Variants in TMEM87B observed in about 807,000 individuals in gnomAD.
TMEM87B encodes transmembrane protein 87B.
A neutral mutation model predicts 80.3 loss-of-function variants in TMEM87B; 83 were observed. The ratio of observed to expected loss-of-function variants is 1.03; its 90% CI spans 0.87 to 1.24. TMEM87B has a LOEUF of 1.24. Among genes scored for constraint, TMEM87B ranks in the 50% most tolerant of loss-of-function variants. The pLI, the probability that TMEM87B is intolerant of heterozygous loss-of-function variation, is 0.00. For synonymous variants in TMEM87B, 219 were observed against 230.5 expected (o/e 0.95, Z 0.45); for missense variants, 625 against 674.4 (o/e 0.93, Z 0.81).
chr2:112,104,274 TAAG>T (rs931846784), intron 15 of TMEM87B, among the ~76,000 whole-genome samples: 12 of 152,140 alleles, frequency 7.9e-5, no homozygotes, highest in East Asian at 1.9e-4. Flanking sequence ...TTTAAGAAAA[TAAG>T]AAGGCTAGCT....
At chr2:112,098,080 A>G (rs754829851) in intron 13 of TMEM87B, among the ~76,000 whole-genome samples, 10 of 151,982 alleles carry the variant, frequency 6.6e-5, no homozygotes, top group Non-Finnish European at 1.5e-4. Context: ...GGTTGAAGCA[A>G]TTATCTGCCT....
intron 4 of TMEM87B, among the ~76,000 whole-genome samples, chr2:112,071,313 CG>C (rs1209295868): frequency 1.3e-4 from 19 of 142,448 alleles, no homozygotes; most frequent in African/African-American, 4.6e-4. Context: ...CCCGCCCCCC[CG>C]CCGCCGCCAC....
At chr2:112,072,896 T>G (rs13032953) in intron 4 of TMEM87B, among the ~76,000 whole-genome samples, 1 of 54,350 alleles carries the variant, frequency 1.8e-5, no homozygotes, top group African/African-American at 9.2e-5. Flanking sequence ...ACTCTTCTTC[T>G]TTTTTTTTTT....
chr2:112,068,215 AAAAAACAAAAAC>A (rs910565364), intron 4 of TMEM87B, among the ~76,000 whole-genome samples: 2 of 152,344 alleles, frequency 1.3e-5, no homozygotes, highest in Admixed American at 6.5e-5. Context: ...ACTCCGTCTC[AAAAAACAAAAAC>A]AAAAACAAAA....
At position 112,074,939 on chromosome 2, in the gene TMEM87B, G is replaced by A; in HGVS notation, c.478G>A (p.Val160Ile). The change falls in exon 5 of 19, where the codon GTT (valine) becomes ATT (isoleucine). Residue 160 changes from valine to isoleucine, a missense_variant. Physicochemically the swap from Val to Ile is conservative, Grantham distance 29 (BLOSUM62 3). Coordinates refer to ENST00000283206, the MANE Select transcript of TMEM87B (RefSeq NM_032824.3). Reference protein sequence around the residue: ...NNKELINIRNVSNQERSMDVV... With the variant: ...NNKELINIRNISNQERSMDVV... ...TAAAGAACTAATAAATATCAGAAATGTTTCAAACCAGGAAAGATCAATGGT... is the reference window on the plus strand; with the variant it reads ...TAAAGAACTAATAAATATCAGAAATATTTCAAACCAGGAAAGATCAATGGT... The A allele has an allele frequency of 6.3e-7, 1 of 1,575,636 alleles. No homozygotes were observed. Among genetic ancestry groups the A allele is most frequent in the Admixed American group, 1.8e-5 (1 of 56,346 alleles).
chr2:112,073,243 G>A (rs1678711505), intron 4 of TMEM87B, among the ~76,000 whole-genome samples: 1 of 152,086 alleles, frequency 6.6e-6, no homozygotes, highest in South Asian at 2.1e-4. Context: ...GGCGTTTAGT[G>A]CTGTAAATTT....
rs77815897 is a variant in TMEM87B at position 112,055,428 on chromosome 2, G to A, written c.-164G>A. 17,742 of 802,898 alleles carry A rather than the reference G, an allele frequency of 0.022. 266 individuals carry two copies. The highest frequency in any genetic ancestry group is 0.037 in the Middle Eastern group (98 of 2,636). The allele number at this position is 802,898 out of a possible 1,614,324, so 49.7% of individuals were successfully genotyped here. On this transcript the variant is annotated 5_prime_UTR_variant, in exon 1 of 19. Transcript: ENST00000283206. ...CTCCCGGTCCTGGCCGGGTTTCCCA[G>A]AACTGCACGGCGCCTCTCCGCCCAG...
rs7568022 is a variant in TMEM87B, at chr2:112,074,085, G to C, written c.451-827G>C. The stretch of plus-strand genomic sequence containing the variant: ...GTGCCTTTTAATTGGGGCTTTTAGT[G>C]TTGACATTGTGGGTTTGATCGTGTC... On this transcript the variant is annotated intron_variant, in intron 4 of 18. Transcript: ENST00000283206. Among the ~76,000 whole-genome samples the C allele has an allele frequency of 6.6e-5, 10 of 151,984 alleles. No individual in the cohort carries two copies. In the East Asian group the frequency reaches 1.9e-3, roughly 29 times the overall value.
At position 112,091,735 on chromosome 2, in the gene TMEM87B, TC is replaced by T. The variant is rs1292485598; in HGVS notation, c.1057del (p.Asp354MetfsTer5). The T allele has an allele frequency of 1.2e-6, 2 of 1,613,484 alleles. No homozygotes were observed. The highest frequency in any genetic ancestry group is 8.5e-7 in the Non-Finnish European group (1 of 1,179,616). ...IGGSNHLAVV[L>X]DDIILAVIDS... ...AGGGTTCTAACCATTTAGCTGTTGTTCTTGATGACATTATTTTAGCAGTTAT... is the reference window on the plus strand; with the variant it reads ...AGGGTTCTAACCATTTAGCTGTTGTTTTGATGACATTATTTTAGCAGTTAT... On this transcript the variant is annotated frameshift_variant, in exon 11 of 19. Transcript: ENST00000283206. LOFTEE classifies it high-confidence loss of function.
chr2:112,116,043 G>T, intron 18 of TMEM87B, 41 bp from the exon 19 acceptor site: 1 of 1,561,006 alleles, frequency 6.4e-7, no homozygotes. Context: ...TCTGGAAGTA[G>T]TATCAACATG....
chr2:112,065,064 C>T (rs934251031), intron 3 of TMEM87B, among the ~76,000 whole-genome samples: 3 of 152,118 alleles, frequency 2.0e-5, no homozygotes, highest in Admixed American at 6.5e-5. Flanking sequence ...ACTCAAGTGA[C>T]CCTCCTGGCA....
intron 9 of TMEM87B, among the ~76,000 whole-genome samples, chr2:112,089,389 C>T (rs370270166): frequency 6.6e-6 from 1 of 152,234 alleles, no homozygotes. Flanking sequence ...TCCTCTGGCA[C>T]CTTTGTGGCC....
intron 11 of TMEM87B, chr2:112,095,420 C>T (rs1045097139): frequency 3.0e-6 from 3 of 984,206 alleles, no homozygotes; most frequent in Non-Finnish European, 3.6e-6. Flanking sequence ...TTAACAGTGT[C>T]TTGGTAAGTG....
chr2:112,076,841 T>TG lies in TMEM87B; in HGVS notation c.502-351_502-350insG, dbSNP rs1218396548. Among the ~76,000 whole-genome samples, 47 of 112,372 alleles carry TG rather than the reference T, an allele frequency of 4.2e-4. 1 individual carries two copies. The highest frequency in any genetic ancestry group is 2.6e-3 in the Admixed American group (27 of 10,326). The allele number at this position is 112,372 out of a possible 152,430, so 73.7% of individuals were successfully genotyped here. On this transcript the variant is annotated intron_variant, in intron 5 of 18. Transcript: ENST00000283206. ...CCACTACCTGCCATTCCTTTTCTGT[T>TG]TTGTGTGTGTGTGTGTGTGTGTGTG...
intron 2 of TMEM87B, among the ~76,000 whole-genome samples, chr2:112,061,609 C>A (rs774914072): frequency 1.3e-5 from 2 of 151,916 alleles, no homozygotes; most frequent in Non-Finnish European, 2.9e-5. Context: ...AAAGTCTAGA[C>A]AAAGGATTTA....
At position 112,077,149 on chromosome 2, in the gene TMEM87B, A is replaced by G. The variant is rs1363207645; in HGVS notation, c.502-43A>G. On this transcript the variant is annotated intron_variant, in intron 5 of 18. Coordinates refer to ENST00000283206, the MANE Select transcript of TMEM87B (RefSeq NM_032824.3). ...AGTTGTTCAGCTATATTACATAGCA[A>G]TTTGTTAAAAATAATGAAGAATTTT... 6 of 1,111,362 alleles carry G rather than the reference A, an allele frequency of 5.4e-6. No individual in the cohort carries two copies. In the Admixed American group the frequency reaches 1.3e-4, roughly 23 times the overall value. The allele number at this position is 1,111,362 out of a possible 1,614,324, so 68.8% of individuals were successfully genotyped here. A position where few individuals can be genotyped will look rare whatever the true frequency, so the allele number is the denominator to read the frequency against.
chr2:112,055,556 G>A lies in TMEM87B; in HGVS notation c.-36G>A, dbSNP rs1678015822. 1 of 1,464,656 alleles carries A rather than the reference G, an allele frequency of 6.8e-7. No homozygotes were observed. The highest frequency in any genetic ancestry group is 1.5e-5 in the African/African-American group (1 of 67,994). 90.7% of individuals were successfully genotyped at this position (1,464,656 alleles called of 1,614,324 possible). A position where few individuals can be genotyped will look rare whatever the true frequency, so the allele number is the denominator to read the frequency against. ...GCTGCACCAGGTGCGGGTGTGGCAG[G>A]CGTCTCGGAGCGCCAGGTGCAGCTT... On this transcript the variant is annotated 5_prime_UTR_variant, in exon 1 of 19. Transcript: ENST00000283206.
At chr2:112,097,578 T>G (rs1679508416) in intron 13 of TMEM87B, among the ~76,000 whole-genome samples, 1 of 151,794 alleles carries the variant, frequency 6.6e-6, no homozygotes, top group Non-Finnish European at 1.5e-5. Context: ...TACAAAAAAT[T>G]AGCGGGTGCC....
rs901718244 is a variant in TMEM87B at position 112,084,597 on chromosome 2, C to T, written c.839-1408C>T. ...GCTCTGCCTGTAGTTCTAGATCTAT[C>T]TTCGAGGCATTTGACAAGGTCTCTT... On this transcript the variant is annotated intron_variant, in intron 8 of 18. Coordinates refer to ENST00000283206, the MANE Select transcript of TMEM87B (RefSeq NM_032824.3). 1.0e-3 allele frequency among the ~76,000 whole-genome samples: 152 copies of T among 152,342 alleles called. 1 individual carries two copies. Among genetic ancestry groups the T allele is most frequent in the African/African-American group, 3.4e-3 (140 of 41,572 alleles).
Sources: allele counts gnomAD v4.1 joint callset (sites outside exome capture counted in the v4.1 genomes callset), GRCh38; gene constraint gnomAD v4.1.1; transcripts MANE v1.5; gene names NCBI Gene and HGNC (gene_info 2026-07-23, HGNC 2026-07-21).